Variants in IFI27L1 observed in about 807,000 individuals in gnomAD.
IFI27L1 encodes the protein interferon alpha inducible protein 27 like 1.
A neutral mutation model predicts 9.2 loss-of-function variants in IFI27L1; 3 were observed. The ratio of observed to expected loss-of-function variants is 0.32; its 90% confidence interval spans 0.15 to 0.84. IFI27L1 has a LOEUF of 0.84. Among genes scored for constraint, IFI27L1 ranks in the 40% least tolerant of loss-of-function variants. The pLI is 0.56. For missense variants in IFI27L1, 133 were observed against 134.2 expected (o/e 0.99, Z 0.05); for synonymous variants, 53 against 50.0 (o/e 1.06, Z -0.26).
At chr14:94,100,498 G>A (rs1886852725) in intron 2 of IFI27L1, 1 of 985,270 alleles carries the variant, frequency 1.0e-6, no homozygotes, top group Non-Finnish European at 1.2e-6. Context: ...CCACAAGGCT[G>A]GGCAGAGGAG....
intron 1 of IFI27L1, among the ~76,000 whole-genome samples, chr14:94,092,189 G>A (rs936290417): frequency 3.3e-5 from 5 of 151,250 alleles, no homozygotes; most frequent in Non-Finnish European, 5.9e-5. Context: ...CACCCTTTGC[G>A]TTAGTGTACT....
chr14:94,087,245 T>C (rs1444879502), intron 1 of IFI27L1, among the ~76,000 whole-genome samples: 1 of 152,230 alleles, frequency 6.6e-6, no homozygotes, highest in Admixed American at 6.5e-5. Flanking sequence ...AGGTAGTTTC[T>C]GGGCAGATGT....
At chr14:94,084,282 G>A (rs1389138463) in intron 1 of IFI27L1, among the ~76,000 whole-genome samples, 4 of 152,144 alleles carry the variant, frequency 2.6e-5, no homozygotes, top group Admixed American at 2.6e-4. Flanking sequence ...CGGGTGGATC[G>A]CTTGAGCTCA....
chr14:94,093,167 CTTTT>C (rs66928480), intron 1 of IFI27L1, among the ~76,000 whole-genome samples: 2 of 125,458 alleles, frequency 1.6e-5, no homozygotes, highest in Non-Finnish European at 1.6e-5. Context: ...CATTTCTTTT[CTTTT>C]TTTTTTTTTT....
At chr14:94,096,249 G>A (rs142961801) in intron 1 of IFI27L1, among the ~76,000 whole-genome samples, 6 of 152,304 alleles carry the variant, frequency 3.9e-5, no homozygotes, top group African/African-American at 1.4e-4. Context: ...TAGGCAGATG[G>A]ATGGGTAAAC....
intron 1 of IFI27L1, chr14:94,088,210 A>G (rs1363356024): frequency 4.3e-6 from 3 of 701,766 alleles, no homozygotes; most frequent in Non-Finnish European, 7.8e-6. Context: ...GGCTTCTTCT[A>G]CTGCCAAGCA....
chr14:94,090,879 C>T (rs2144310), intron 1 of IFI27L1, among the ~76,000 whole-genome samples: 44,035 of 151,894 alleles, frequency 0.29, 6,705 homozygotes, highest in East Asian at 0.5. Context: ...ATGCAGTTTC[C>T]AAATTCTGGA....
At chr14:94,097,518 G>T in intron 2 of IFI27L1, 1 of 656,780 alleles carries the variant, frequency 1.5e-6, no homozygotes. Flanking sequence ...CTGAGCTGCT[G>T]AGAGGATGGA....
chr14:94,100,533 C>G (rs1316298016), intron 2 of IFI27L1: 2 of 985,276 alleles, frequency 2.0e-6, no homozygotes, highest in Non-Finnish European at 1.2e-6. Context: ...ATGCGGGGAC[C>G]TGGGGAGGCT....
At chr14:94,081,998 G>C (rs1886123708) in intron 1 of IFI27L1, among the ~76,000 whole-genome samples, 1 of 152,182 alleles carries the variant, frequency 6.6e-6, no homozygotes, top group African/African-American at 2.4e-5. Flanking sequence ...GTGAGGAAGG[G>C]ATGTCAAAAG....
intron 1 of IFI27L1, chr14:94,088,188 G>A: frequency 1.4e-6 from 1 of 698,332 alleles, no homozygotes; most frequent in South Asian, 1.5e-5. Flanking sequence ...AGGGACACAG[G>A]GGCTGTGCTT....
chr14:94,092,988 T>C (rs57175323), intron 1 of IFI27L1, among the ~76,000 whole-genome samples: 43,983 of 151,748 alleles, frequency 0.29, 6,712 homozygotes, highest in East Asian at 0.5. Context: ...CACACCACCA[T>C]GCCCAGCTAA....
intron 1 of IFI27L1, among the ~76,000 whole-genome samples, chr14:94,090,526 T>G (rs1427570394): frequency 6.6e-6 from 1 of 152,214 alleles, no homozygotes; most frequent in Non-Finnish European, 1.5e-5. Context: ...AAGACATTTT[T>G]AAAGCTGAGG....
chr14:94,100,407 C>G (rs138124527), intron 2 of IFI27L1: 11,172 of 985,400 alleles, frequency 0.011, 84 homozygotes, highest in Middle Eastern at 0.031. Context: ...CAGCCATTGT[C>G]AGATGTTCCT....
intron 2 of IFI27L1, chr14:94,097,716 A>G (rs1294263565): frequency 2.0e-5 from 14 of 701,982 alleles, no homozygotes; most frequent in Admixed American, 4.0e-5. Flanking sequence ...TGTGAAGGAG[A>G]GAAACCATGT....
At chr14:94,088,277 C>T (rs968485194) in intron 1 of IFI27L1, 12 of 702,232 alleles carry the variant, frequency 1.7e-5, no homozygotes, top group Admixed American at 4.0e-5. Flanking sequence ...GGATCCATTT[C>T]TTACGTTACT....
At chr14:94,093,414 G>T (rs934913565) in intron 1 of IFI27L1, among the ~76,000 whole-genome samples, 1 of 151,798 alleles carries the variant, frequency 6.6e-6, no homozygotes, top group African/African-American at 2.4e-5. Context: ...CTCGTGATCC[G>T]CCCGCCTCAG....
chr14:94,090,683 C>T (rs897268706), intron 1 of IFI27L1, among the ~76,000 whole-genome samples: 20 of 152,238 alleles, frequency 1.3e-4, no homozygotes, highest in African/African-American at 4.3e-4. Flanking sequence ...AGGCAAGATA[C>T]GAGGCTAGTT....
intron 1 of IFI27L1, among the ~76,000 whole-genome samples, chr14:94,089,762 T>G (rs919779904): frequency 2.0e-5 from 3 of 152,182 alleles, no homozygotes; most frequent in African/African-American, 7.2e-5. Context: ...AGGAAACCCT[T>G]AAGCCTAAGG....
Sources: gnomAD v4.1 joint callset for allele counts (sites outside exome capture counted in the v4.1 genomes callset) on GRCh38, gnomAD v4.1.1 for gene constraint, MANE v1.5 for transcripts, NCBI Gene and HGNC (gene_info 2026-07-23, HGNC 2026-07-21) for gene names.